The following DOCK3 variants were observed in gnomAD, a reference collection of about 807,000 sequenced individuals.
The protein encoded by DOCK3 is dedicator of cytokinesis 3, also known as dedicator of cytokinesis protein 3.
A neutral mutation model predicts 265.6 loss-of-function variants in DOCK3; 60 were observed. That is an observed-to-expected ratio of 0.23 (90% confidence interval 0.18 to 0.28). The LOEUF is 0.28. Ranked by LOEUF, DOCK3 falls within the 10% of genes least tolerant of loss-of-function variation. The pLI, the probability that DOCK3 is intolerant of heterozygous loss-of-function variation, is 1.00. For synonymous variants in DOCK3, 881 were observed against 938.0 expected (o/e 0.94, Z 1.11); for missense variants, 1,981 against 2,594.3 (o/e 0.76, Z 5.14).
At chr3:50,998,813 T>C (rs1451554011) in intron 5 of DOCK3, among the ~76,000 whole-genome samples, 1 of 152,200 alleles carries the variant, frequency 6.6e-6, no homozygotes, top group Non-Finnish European at 1.5e-5. Flanking sequence ...CATGGAAAAC[T>C]GTCATTTAGA....
chr3:50,934,890 C>T (rs911648738), intron 5 of DOCK3, among the ~76,000 whole-genome samples: 1 of 152,072 alleles, frequency 6.6e-6, no homozygotes, highest in Admixed American at 6.5e-5. Context: ...ATGGAGTAAA[C>T]ACATTTTACT....
chr3:51,298,748 C>T (rs1156768833), intron 27 of DOCK3, among the ~76,000 whole-genome samples: 1 of 152,146 alleles, frequency 6.6e-6, no homozygotes, highest in Non-Finnish European at 1.5e-5. Flanking sequence ...GATTTCATTC[C>T]TTTTTATGGC....
chr3:50,807,909 C>G (rs1299277454), intron 2 of DOCK3, among the ~76,000 whole-genome samples: 1 of 152,124 alleles, frequency 6.6e-6, no homozygotes, highest in Non-Finnish European at 1.5e-5. Context: ...ACCACCATGT[C>G]TAGGTAATTT....
chr3:50,740,594 T>G (rs1235816710), intron 1 of DOCK3, among the ~76,000 whole-genome samples: 7 of 152,170 alleles, frequency 4.6e-5, no homozygotes, highest in Admixed American at 4.6e-4. Flanking sequence ...CACTGTAGCT[T>G]TAATTTGTAT....
chr3:50,879,851 C>G (rs1194075158), intron 3 of DOCK3, among the ~76,000 whole-genome samples: 1 of 152,202 alleles, frequency 6.6e-6, no homozygotes, highest in Non-Finnish European at 1.5e-5. Flanking sequence ...CTACATCACA[C>G]TTATTCCAAA....
At position 51,315,050 on chromosome 3, in the gene DOCK3, A is replaced by G. The variant is rs1284210376; in HGVS notation, c.3324A>G (p.Pro1108=). The G allele has an allele frequency of 6.2e-7, 1 of 1,613,116 alleles. No individual in the cohort carries two copies. The highest frequency in any genetic ancestry group is 1.7e-5 in the Admixed American group (1 of 59,920). The change falls in exon 32 of 53, where the codon CCA becomes CCG. Residue 1108 remains proline, a synonymous_variant. Coordinates refer to ENST00000266037, the MANE Select transcript of DOCK3 (RefSeq NM_004947.5). ...TGGGTGTGACACTGGTCCCACAGCC[A>G]GAAGTACGGAATATCATGATTCCCA... ...PFLGVTLVPQ[P]EVRNIMIPIF... is the part of the protein sequence containing the mutation.
At chr3:50,974,377 C>T (rs1258851426) in intron 5 of DOCK3, among the ~76,000 whole-genome samples, 2 of 151,954 alleles carry the variant, frequency 1.3e-5, no homozygotes, top group South Asian at 2.1e-4. Context: ...GTTTTCCCAG[C>T]ACCATTTATT....
At chr3:50,725,294 A>C (rs1297275740) in intron 1 of DOCK3, among the ~76,000 whole-genome samples, 2 of 152,224 alleles carry the variant, frequency 1.3e-5, no homozygotes, top group Non-Finnish European at 2.9e-5. Flanking sequence ...ATAGTAAAAT[A>C]TTATTTAGAG....
At chr3:51,227,232 C>A in intron 15 of DOCK3, 51 bp from the exon 16 acceptor site, 3 of 1,595,432 alleles carry the variant, frequency 1.9e-6, no homozygotes, top group Non-Finnish European at 8.6e-7. Flanking sequence ...ACACAGAAAT[C>A]CAGACATTCC....
chr3:50,701,127 G>GTTTTT (rs372596576), intron 1 of DOCK3, among the ~76,000 whole-genome samples: 5 of 113,472 alleles, frequency 4.4e-5, no homozygotes, highest in East Asian at 2.5e-4. Context: ...TGTGGCCCTT[G>GTTTTT]TTTTTTTTTT....
chr3:50,909,641 G>GTTTTT (rs71633043), intron 4 of DOCK3, among the ~76,000 whole-genome samples: 2 of 98,696 alleles, frequency 2.0e-5, no homozygotes, highest in Non-Finnish European at 2.0e-5. Context: ...TACCCTTAAC[G>GTTTTT]TTTTTTTTTT....
chr3:51,017,284 A>G (rs894594099), intron 5 of DOCK3, among the ~76,000 whole-genome samples: 9 of 151,242 alleles, frequency 6.0e-5, no homozygotes, highest in Non-Finnish European at 1.2e-4. Context: ...GTTTGACTAA[A>G]GGCTTGTCAA....
intron 4 of DOCK3, among the ~76,000 whole-genome samples, chr3:50,921,999 G>A (rs773298384): frequency 5.3e-5 from 8 of 152,166 alleles, no homozygotes; most frequent in Non-Finnish European, 7.4e-5. Context: ...GCTACTCAGC[G>A]GTAAAGGACC....
chr3:51,273,370 A>G (rs556709620), intron 24 of DOCK3, among the ~76,000 whole-genome samples: 1 of 152,304 alleles, frequency 6.6e-6, no homozygotes, highest in Admixed American at 6.5e-5. Flanking sequence ...TTTCATTTGC[A>G]TCTCACTTTC....
intron 1 of DOCK3, among the ~76,000 whole-genome samples, chr3:50,686,460 A>C (rs748874104): frequency 6.6e-6 from 1 of 152,218 alleles, no homozygotes; most frequent in South Asian, 2.1e-4. Context: ...CACAAAGTCA[A>C]TTCACCTGGT....
intron 9 of DOCK3, among the ~76,000 whole-genome samples, chr3:51,139,263 G>T (rs556281482): frequency 5.3e-5 from 8 of 150,966 alleles, no homozygotes; most frequent in Non-Finnish European, 7.4e-5. Context: ...GTGGGGGGAG[G>T]GCTAAGATGT....
chr3:51,253,925 C>T (rs903582004), intron 22 of DOCK3, among the ~76,000 whole-genome samples: 1 of 152,044 alleles, frequency 6.6e-6, no homozygotes, highest in Admixed American at 6.6e-5. Context: ...CAAGTGTTTG[C>T]TCTTGCTTCT....
chr3:50,866,042 A>G (rs891298846), intron 3 of DOCK3, among the ~76,000 whole-genome samples: 2 of 151,942 alleles, frequency 1.3e-5, no homozygotes, highest in African/African-American at 2.4e-5. Flanking sequence ...TTCCTTGTAT[A>G]TTCTAGTCAT....
chr3:51,152,126 G>A (rs2107403885), intron 10 of DOCK3, among the ~76,000 whole-genome samples: 1 of 152,230 alleles, frequency 6.6e-6, no homozygotes, highest in East Asian at 1.9e-4. Flanking sequence ...TCACTTTCAG[G>A]TACACCAATC....
Sources: allele counts gnomAD v4.1 joint callset (sites outside exome capture counted in the v4.1 genomes callset), GRCh38; gene constraint gnomAD v4.1.1; transcripts MANE v1.5; gene names NCBI Gene and HGNC (gene_info 2026-07-23, HGNC 2026-07-21).